Variants in B3GALT1 observed in about 807,000 individuals in gnomAD.
B3GALT1 encodes the protein UDP-Gal:betaGlcNAc beta 1,3-galactosyltransferase, polypeptide 1.
A neutral mutation model predicts 23.2 loss-of-function variants in B3GALT1; 10 were observed. The observed-to-expected ratio is 0.43, with a 90% CI of 0.27 to 0.73. The LOEUF is 0.73. Ranked by LOEUF, B3GALT1 falls within the 30% of genes least tolerant of loss-of-function variation. The pLI is 0.21. For synonymous variants in B3GALT1, 156 were observed against 141.5 expected (o/e 1.10, Z -0.73); for missense variants, 299 against 405.4 (o/e 0.74, Z 2.25).
chr2:167,835,886 G>A (rs1357333826), intron 4 of B3GALT1, among the ~76,000 whole-genome samples: 1 of 152,202 alleles, frequency 6.6e-6, no homozygotes, highest in Non-Finnish European at 1.5e-5. Context: ...CCACTGTTCT[G>A]CAGACACTAC....
At chr2:167,533,806 G>A (rs1310741678) in intron 2 of B3GALT1, among the ~76,000 whole-genome samples, 1 of 152,132 alleles carries the variant, frequency 6.6e-6, no homozygotes, top group African/African-American at 2.4e-5. Flanking sequence ...TCCTCCTGGA[G>A]TACATCCTTT....
intron 2 of B3GALT1, among the ~76,000 whole-genome samples, chr2:167,572,054 G>A (rs925762201): frequency 2.0e-5 from 3 of 151,704 alleles, no homozygotes; most frequent in East Asian, 1.9e-4. Context: ...TCAGTATGGC[G>A]TCTAAGTCTT....
chr2:167,754,268 A>C (rs956242029), intron 3 of B3GALT1, among the ~76,000 whole-genome samples: 24 of 152,228 alleles, frequency 1.6e-4, no homozygotes, highest in African/African-American at 5.1e-4. Context: ...ACAGGTTAAT[A>C]AAATTGAAAA....
At chr2:167,442,755 A>G (rs1426802962) in intron 1 of B3GALT1, among the ~76,000 whole-genome samples, 3 of 146,560 alleles carry the variant, frequency 2.0e-5, no homozygotes, top group Non-Finnish European at 3.0e-5. Flanking sequence ...GTTTGAGTTC[A>G]TTGTAGATTC....
At chr2:167,805,886 G>T (rs980668247) in intron 3 of B3GALT1, among the ~76,000 whole-genome samples, 4 of 152,166 alleles carry the variant, frequency 2.6e-5, no homozygotes, top group African/African-American at 9.7e-5. Flanking sequence ...TAGCTTGATA[G>T]GGATGGCATT....
chr2:167,789,015 T>C (rs1047119653), intron 3 of B3GALT1, among the ~76,000 whole-genome samples: 2 of 152,196 alleles, frequency 1.3e-5, no homozygotes, highest in Non-Finnish European at 2.9e-5. Flanking sequence ...ATCAGGACTC[T>C]TCTGACACAT....
At chr2:167,355,712 T>G (rs1697389844) in intron 1 of B3GALT1, among the ~76,000 whole-genome samples, 1 of 152,182 alleles carries the variant, frequency 6.6e-6, no homozygotes, top group East Asian at 1.9e-4. Flanking sequence ...TTATGACTTT[T>G]AAAAAAATCC....
At chr2:167,683,410 G>C (rs1292025331) in intron 3 of B3GALT1, among the ~76,000 whole-genome samples, 1 of 152,092 alleles carries the variant, frequency 6.6e-6, no homozygotes, top group Non-Finnish European at 1.5e-5. Context: ...CATTGGATTT[G>C]GTATGAAGTC....
intron 2 of B3GALT1, among the ~76,000 whole-genome samples, chr2:167,554,819 T>C (rs1336269710): frequency 1.3e-5 from 2 of 152,210 alleles, no homozygotes; most frequent in Admixed American, 6.5e-5. Context: ...CTACTAACTT[T>C]AGTAGACAAA....
chr2:167,526,806 C>G (rs998471931), intron 2 of B3GALT1, among the ~76,000 whole-genome samples: 1 of 152,020 alleles, frequency 6.6e-6, no homozygotes, highest in Non-Finnish European at 1.5e-5. Flanking sequence ...TGGCCTTTGT[C>G]AGTATTTTAG....
chr2:167,730,666 T>C (rs1687396769), intron 3 of B3GALT1, among the ~76,000 whole-genome samples: 1 of 152,196 alleles, frequency 6.6e-6, no homozygotes, highest in Non-Finnish European at 1.5e-5. Context: ...AATTCCTGTT[T>C]ATGTATTTCC....
At chr2:167,835,978 G>C (rs1344519056) in intron 4 of B3GALT1, among the ~76,000 whole-genome samples, 1 of 152,172 alleles carries the variant, frequency 6.6e-6, no homozygotes, top group Admixed American at 6.5e-5. Flanking sequence ...CTGTCTGTTT[G>C]TTAGAAGGAA....
intron 1 of B3GALT1, among the ~76,000 whole-genome samples, chr2:167,358,550 A>G (rs1171559896): frequency 6.6e-6 from 1 of 152,042 alleles, no homozygotes; most frequent in African/African-American, 2.4e-5. Context: ...GTAATAATGA[A>G]CTTTTTTTTA....
At chr2:167,656,284 G>C (rs1685954901) in intron 3 of B3GALT1, among the ~76,000 whole-genome samples, 1 of 152,032 alleles carries the variant, frequency 6.6e-6, no homozygotes, top group African/African-American at 2.4e-5. Flanking sequence ...AATCATTCTT[G>C]GGTCTTCCTT....
intron 2 of B3GALT1, among the ~76,000 whole-genome samples, chr2:167,631,894 A>G (rs1432376009): frequency 6.6e-6 from 1 of 150,930 alleles, no homozygotes; most frequent in Non-Finnish European, 1.5e-5. Context: ...GGTTTGCTGC[A>G]CCCATCAACT....
At chr2:167,459,861 A>T (rs1019500554) in intron 1 of B3GALT1, among the ~76,000 whole-genome samples, 1 of 152,128 alleles carries the variant, frequency 6.6e-6, no homozygotes, top group Non-Finnish European at 1.5e-5. Context: ...TTTTGCTGAT[A>T]TAGGATTCTT....
intron 2 of B3GALT1, among the ~76,000 whole-genome samples, chr2:167,640,225 G>T (rs796126461): frequency 5.3e-5 from 8 of 152,088 alleles, no homozygotes; most frequent in African/African-American, 1.9e-4. Context: ...TATGAATGCT[G>T]CCTAAGGCTG....
chr2:167,783,472 C>T (rs1025356802), intron 3 of B3GALT1, among the ~76,000 whole-genome samples: 1 of 152,042 alleles, frequency 6.6e-6, no homozygotes, highest in Non-Finnish European at 1.5e-5. Flanking sequence ...ATGTGATGCT[C>T]CCACCAGTAG....
chr2:167,579,430 G>GTGTTTTTT (rs1553469287), intron 2 of B3GALT1, among the ~76,000 whole-genome samples: 1 of 63,632 alleles, frequency 1.6e-5, no homozygotes, highest in African/African-American at 1.2e-4. Context: ...GTTTTTTTTT[G>GTGTTTTTT]TCTTTTTTTT....
Sources: gnomAD v4.1 joint callset for allele counts (sites outside exome capture counted in the v4.1 genomes callset) on GRCh38, gnomAD v4.1.1 for gene constraint, MANE v1.5 for transcripts, NCBI Gene and HGNC (gene_info 2026-07-23, HGNC 2026-07-21) for gene names.